CNTN4: variants seen among roughly 807,000 people sequenced by gnomAD.
CNTN4 encodes the protein contactin 4.
In CNTN4, 77 loss-of-function variants were observed where a neutral mutation model predicts 122.5. The observed-to-expected ratio is 0.63, with a 90% CI of 0.52 to 0.76. The LOEUF is 0.76. Ranked by LOEUF, CNTN4 falls within the 30% of genes least tolerant of loss-of-function variation. The pLI is 0.00. For missense variants in CNTN4, 1,256 were observed against 1,259.1 expected (o/e 1.00, Z 0.04); for synonymous variants, 512 against 447.0 (o/e 1.15, Z -1.83).
At chr3:2,466,946 TTTTCTTTC>T (rs902151070) in intron 3 of CNTN4, among the ~76,000 whole-genome samples, 25 of 148,622 alleles carry the variant, frequency 1.7e-4, no homozygotes, top group Middle Eastern at 3.4e-3. Context: ...AAATTAGTTT[TTTTCTTTC>T]TTTCTTTCTT....
chr3:2,798,277 TTGTG>T (rs905569644), intron 6 of CNTN4, among the ~76,000 whole-genome samples: 11 of 103,706 alleles, frequency 1.1e-4, no homozygotes, highest in African/African-American at 1.6e-4. Context: ...TAGTATTCCA[TTGTG>T]TGTGTGTGTG....
intron 13 of CNTN4, among the ~76,000 whole-genome samples, chr3:2,954,414 A>G (rs1484833504): frequency 6.6e-6 from 1 of 152,160 alleles, no homozygotes; most frequent in African/African-American, 2.4e-5. Context: ...TTTTCCACAT[A>G]TTAAATTGTC....
At chr3:3,051,994 T>C (rs1011816494) in intron 23 of CNTN4, among the ~76,000 whole-genome samples, 1 of 152,194 alleles carries the variant, frequency 6.6e-6, no homozygotes, top group African/African-American at 2.4e-5. Flanking sequence ...TCAGGTCCCA[T>C]CCCAGAACTA....
At chr3:2,632,218 T>C (rs1252658644) in intron 4 of CNTN4, among the ~76,000 whole-genome samples, 1 of 152,224 alleles carries the variant, frequency 6.6e-6, no homozygotes, top group Non-Finnish European at 1.5e-5. Flanking sequence ...GTACATTTTC[T>C]ACCTAGTGCA....
chr3:3,030,080 A>T (rs954262753), intron 15 of CNTN4, among the ~76,000 whole-genome samples: 2 of 152,116 alleles, frequency 1.3e-5, no homozygotes, highest in Non-Finnish European at 2.9e-5. Context: ...CTATTCTCCA[A>T]ACTTTGGATT....
intron 7 of CNTN4, among the ~76,000 whole-genome samples, chr3:2,843,431 C>G (rs1422504694): frequency 2.0e-5 from 3 of 152,076 alleles, no homozygotes; most frequent in Non-Finnish European, 4.4e-5. Context: ...CCTTCTATTC[C>G]TGTTTCTCCA....
rs187925123 is a variant in CNTN4, at chr3:3,022,325, C to T, written c.1487-3777C>T. Among the ~76,000 whole-genome samples, 34 of 152,210 alleles carry T rather than the reference C, an allele frequency of 2.2e-4. No homozygotes were observed. In the East Asian group the frequency reaches 2.3e-3, roughly 10 times the overall value. Reference sequence around the variant, plus strand: ...TACCTTGATGGGAGGATTGCTTGAGCGCAAGAATTTGAAGTTATGGTGAGC... The same window carrying T: ...TACCTTGATGGGAGGATTGCTTGAGTGCAAGAATTTGAAGTTATGGTGAGC... On this transcript the variant is annotated intron_variant, in intron 14 of 24. Coordinates refer to ENST00000418658, the MANE Select transcript of CNTN4 (RefSeq NM_175607.3).
At position 2,385,437 on chromosome 3, in the gene CNTN4, T is replaced by C. The variant is rs914451762; in HGVS notation, c.-89+46204T>C. The stretch of plus-strand genomic sequence containing the variant: ...AGCAATATTCCTGGTGTCTTGTTCA[T>C]AGCAGATGCTTGTATTAGTTTCTTA... On this transcript the variant is annotated intron_variant, in intron 3 of 24. Coordinates refer to ENST00000418658, the MANE Select transcript of CNTN4 (RefSeq NM_175607.3). This position sits in a 1 kb window ranked among gnomAD's most constrained non-coding sequence, Gnocchi z 4.0. Among the ~76,000 whole-genome samples, 2 of 152,122 alleles carry C rather than the reference T, an allele frequency of 1.3e-5. No individual in the cohort carries two copies. Among genetic ancestry groups the C allele is most frequent in the Non-Finnish European group, 2.9e-5 (2 of 68,034 alleles).
chr3:2,673,655 C>T (rs1391118841), intron 4 of CNTN4, among the ~76,000 whole-genome samples: 2 of 152,146 alleles, frequency 1.3e-5, no homozygotes, highest in Admixed American at 1.3e-4. Flanking sequence ...ATTCTCCTGC[C>T]TCAGCCTCCC....
chr3:2,164,773 GAC>G (rs2036123729), intron 2 of CNTN4, among the ~76,000 whole-genome samples: 3 of 152,050 alleles, frequency 2.0e-5, no homozygotes, highest in South Asian at 4.1e-4. Flanking sequence ...TCTCTCACCA[GAC>G]ACAGTTTGCT....
intron 6 of CNTN4, among the ~76,000 whole-genome samples, chr3:2,757,541 G>A (rs2090393856): frequency 2.0e-5 from 3 of 152,172 alleles, no homozygotes; most frequent in Non-Finnish European, 4.4e-5. Context: ...TGTTATCGTT[G>A]ATGTTATGAC....
At chr3:2,340,710 T>TATATATAGAGAG in intron 3 of CNTN4, among the ~76,000 whole-genome samples, 286 of 18,304 alleles carry the variant, frequency 0.016, 10 homozygotes, top group Non-Finnish European at 0.033. Context: ...TATATATATA[T>TATATATAGAGAG]AGAGAGAGAG....
chr3:2,927,300 T>C (rs1011915119), intron 13 of CNTN4: 6 of 455,888 alleles, frequency 1.3e-5, no homozygotes, highest in Non-Finnish European at 2.2e-5. Context: ...GCACCTAGTG[T>C]ACATCAGGGG....
At chr3:2,384,759 TGC>T (rs1375256525) in intron 3 of CNTN4, among the ~76,000 whole-genome samples, 36 of 131,976 alleles carry the variant, frequency 2.7e-4, no homozygotes, top group East Asian at 2.7e-3. Flanking sequence ...ACTCAATGTG[TGC>T]GTGTGTGTGT....
At chr3:2,236,700 A>G (rs1447886194) in intron 2 of CNTN4, among the ~76,000 whole-genome samples, 1 of 152,184 alleles carries the variant, frequency 6.6e-6, no homozygotes, top group African/African-American at 2.4e-5. Flanking sequence ...TCAAACTATC[A>G]TTTTTATTTA....
At chr3:2,506,950 T>C (rs955603950) in intron 3 of CNTN4, among the ~76,000 whole-genome samples, 2 of 152,160 alleles carry the variant, frequency 1.3e-5, no homozygotes, top group African/African-American at 2.4e-5. Flanking sequence ...CTGAGGCTCA[T>C]GTTCGGTTTT....
chr3:2,272,694 A>G (rs1324964013), intron 2 of CNTN4, among the ~76,000 whole-genome samples: 4 of 152,160 alleles, frequency 2.6e-5, no homozygotes, highest in Non-Finnish European at 5.9e-5. Flanking sequence ...CAACTTGACA[A>G]TTGTATTGAC....
At chr3:2,293,619 A>G (rs1205658963) in intron 2 of CNTN4, among the ~76,000 whole-genome samples, 1 of 152,234 alleles carries the variant, frequency 6.6e-6, no homozygotes, top group Admixed American at 6.5e-5. Context: ...ATAATAAACA[A>G]GATAAATGTG....
At chr3:2,859,858 C>G (rs1417616858) in intron 7 of CNTN4, among the ~76,000 whole-genome samples, 1 of 152,144 alleles carries the variant, frequency 6.6e-6, no homozygotes, top group Non-Finnish European at 1.5e-5. Context: ...TAAAGAAAAT[C>G]TGCACCCTAG....
Sources: gnomAD v4.1 joint callset for allele counts (sites outside exome capture counted in the v4.1 genomes callset) on GRCh38, gnomAD v4.1.1 for gene constraint, Gnocchi (gnomAD v3.1) non-coding constraint, MANE v1.5 for transcripts, NCBI Gene and HGNC (gene_info 2026-07-23, HGNC 2026-07-21) for gene names.